DIP2C: variants seen among roughly 807,000 people sequenced by gnomAD.
DIP2C encodes disco-interacting protein 2 homolog C.
In DIP2C, 33 loss-of-function variants were observed where a neutral mutation model predicts 192.4. The ratio of observed to expected loss-of-function variants is 0.17; its 90% CI spans 0.13 to 0.23. The LOEUF (loss-of-function observed/expected upper bound fraction) is 0.23, where lower values mean the gene tolerates loss of function less well. Ranked by LOEUF, DIP2C falls within the 10% of genes least tolerant of loss-of-function variation. The pLI, the probability that DIP2C is intolerant of heterozygous loss-of-function variation, is 1.00. For missense variants in DIP2C, 1,537 were observed against 2,110.1 expected, an observed-to-expected ratio of 0.73 and a Z score of 5.32; for synonymous variants, 979 against 864.1, an observed-to-expected ratio of 1.13 and a Z score of -2.33.
chr10:486,189 G>C (rs1176615543), intron 2 of DIP2C, among the ~76,000 whole-genome samples: 1 of 152,170 alleles, frequency 6.6e-6, no homozygotes, highest in Non-Finnish European at 1.5e-5. Flanking sequence ...ATATTTTTAC[G>C]ATTATAGCAT....
intron 1 of DIP2C, among the ~76,000 whole-genome samples, chr10:535,632 C>T (rs892025590): frequency 6.6e-6 from 1 of 152,164 alleles, no homozygotes; most frequent in African/African-American, 2.4e-5. Context: ...CTGCTGACCT[C>T]AAGTTCTTTA....
chr10:432,209 G>C (rs948844267), intron 4 of DIP2C, among the ~76,000 whole-genome samples: 3 of 152,070 alleles, frequency 2.0e-5, no homozygotes, highest in African/African-American at 4.8e-5. Flanking sequence ...ATGATGCTTA[G>C]AATGAGTTAA....
intron 3 of DIP2C, among the ~76,000 whole-genome samples, chr10:441,749 CTT>C (rs1967756599): frequency 6.6e-6 from 1 of 152,184 alleles, no homozygotes; most frequent in South Asian, 2.1e-4. Context: ...TTGGGTATGT[CTT>C]TATCAGCAAT....
chr10:657,742 A>ACTGGACCTGC (rs1856464469), intron 1 of DIP2C, among the ~76,000 whole-genome samples: 1 of 122,564 alleles, frequency 8.2e-6, no homozygotes, highest in Non-Finnish European at 1.7e-5. Flanking sequence ...GCTGGACCTG[A>ACTGGACCTGC]CACTGGACCT....
At chr10:588,600 G>A (rs1851225118) in intron 1 of DIP2C, among the ~76,000 whole-genome samples, 1 of 152,220 alleles carries the variant, frequency 6.6e-6, no homozygotes, top group African/African-American at 2.4e-5. Context: ...GAGGTCCCAG[G>A]AGGCAAGTCC....
In DIP2C at chr10:584,214, C is replaced by A. The variant is rs1377017489; in HGVS notation, c.86-97684G>T. On this transcript the variant is annotated intron_variant, in intron 1 of 36. Transcript: ENST00000280886. ...GAAAAGAAAAATATACACCAATACT[C>A]CCCTATTCAACAGGCATTTAAAAAG... is the stretch of plus-strand genomic sequence containing the variant. 2.6e-5 allele frequency among the ~76,000 whole-genome samples: 4 copies of A among 152,210 alleles called. No individual in the cohort carries two copies. In the East Asian group the frequency reaches 7.7e-4, roughly 29 times the overall value.
chr10:419,290 C>T, intron 5 of DIP2C, 91 bp from the exon 6 acceptor site: 1 of 1,572,338 alleles, frequency 6.4e-7, no homozygotes, highest in Non-Finnish European at 8.7e-7. Flanking sequence ...GACTGAAGCA[C>T]AGGTGCTCAC....
chr10:451,202 A>G (rs1968817596), intron 3 of DIP2C, among the ~76,000 whole-genome samples: 1 of 152,218 alleles, frequency 6.6e-6, no homozygotes, highest in Non-Finnish European at 1.5e-5. Context: ...CAGCCTGAAC[A>G]GATCATTCGA....
At chr10:293,168 C>T (rs1476921793) in intron 32 of DIP2C, among the ~76,000 whole-genome samples, 2 of 152,232 alleles carry the variant, frequency 1.3e-5, no homozygotes. Context: ...CTGCCCACAC[C>T]ACTACTCAGC....
chr10:509,865 C>CAGATGGG (rs1393223471), intron 1 of DIP2C, among the ~76,000 whole-genome samples: 1 of 152,222 alleles, frequency 6.6e-6, no homozygotes, highest in Non-Finnish European at 1.5e-5. Context: ...ACCCACGCTT[C>CAGATGGG]AGATGGGTCT....
chr10:681,082 T>G (rs543562049), intron 1 of DIP2C, among the ~76,000 whole-genome samples: 1 of 150,504 alleles, frequency 6.6e-6, no homozygotes, highest in South Asian at 2.1e-4. Context: ...AGGCCCCAGT[T>G]GCATGGTACA....
intron 4 of DIP2C, among the ~76,000 whole-genome samples, chr10:430,727 T>C (rs1238561200): frequency 6.6e-6 from 1 of 152,238 alleles, no homozygotes; most frequent in Non-Finnish European, 1.5e-5. Context: ...TTTGGTGTCA[T>C]ATCTAAAAAC....
intron 1 of DIP2C, chr10:667,822 A>C (rs1857195402): frequency 6.6e-6 from 1 of 152,296 alleles, no homozygotes; most frequent in Admixed American, 6.6e-5. Context: ...CACAACATGC[A>C]CATACAATGC....
chr10:684,649 C>A (rs533910931), intron 1 of DIP2C, among the ~76,000 whole-genome samples: 2 of 152,048 alleles, frequency 1.3e-5, no homozygotes, highest in Non-Finnish European at 2.9e-5. Flanking sequence ...CTGGGGGTGC[C>A]GAGGGCAGAA....
At chr10:314,299 C>T (rs1268931177) in intron 31 of DIP2C, among the ~76,000 whole-genome samples, 1 of 152,186 alleles carries the variant, frequency 6.6e-6, no homozygotes, top group East Asian at 1.9e-4. Flanking sequence ...CAATTTCCCA[C>T]TGATCTTGGG....
chr10:547,257 G>T (rs1354135678), intron 1 of DIP2C, among the ~76,000 whole-genome samples: 2 of 152,196 alleles, frequency 1.3e-5, no homozygotes, highest in Admixed American at 6.5e-5. Flanking sequence ...TTGGTCCTCT[G>T]ATCCAGGAGG....
At chr10:614,928 T>C (rs866986179) in intron 1 of DIP2C, among the ~76,000 whole-genome samples, 19 of 152,160 alleles carry the variant, frequency 1.2e-4, no homozygotes, top group Admixed American at 6.5e-4. Context: ...GTGACCCCCA[T>C]GGCATCACAG....
intron 10 of DIP2C, among the ~76,000 whole-genome samples, chr10:398,543 C>T (rs1050864930): frequency 2.0e-5 from 3 of 152,218 alleles, no homozygotes; most frequent in African/African-American, 7.2e-5. Flanking sequence ...GGCACACGTT[C>T]TCAGGACCTC....
At chr10:496,296 A>AC (rs1844829297) in intron 1 of DIP2C, among the ~76,000 whole-genome samples, 4 of 149,308 alleles carry the variant, frequency 2.7e-5, no homozygotes, top group Non-Finnish European at 4.4e-5. Context: ...TACTCTTAAT[A>AC]CCCCAAACAA....
Sources: allele counts gnomAD v4.1 joint callset (sites outside exome capture counted in the v4.1 genomes callset), GRCh38; gene constraint gnomAD v4.1.1; transcripts MANE v1.5; gene names NCBI Gene and HGNC (gene_info 2026-07-23, HGNC 2026-07-21).